ANXA6: variants seen among roughly 807,000 people sequenced by gnomAD.
The protein encoded by ANXA6 is 67 kDa calelectrin.
ANXA6 carries 71 observed loss-of-function variants against 95.4 expected under a neutral mutation model. The observed-to-expected ratio is 0.74, with a 90% confidence interval of 0.61 to 0.91. ANXA6 has a LOEUF of 0.91. Among genes scored for constraint, ANXA6 ranks in the 40% least tolerant of loss-of-function variants. The probability of loss-of-function intolerance (pLI) is 0.00; values close to 1 mark genes in which losing one functional copy is unlikely to be tolerated. For missense variants in ANXA6, 830 were observed against 876.4 expected, an observed-to-expected ratio of 0.95 and a Z score of 0.67; for synonymous variants, 289 against 315.9, an observed-to-expected ratio of 0.91 and a Z score of 0.90.
chr5:151,133,053 T>C (rs779606035), intron 9 of ANXA6, 41 bp downstream of exon 9: 1 of 1,429,202 alleles, frequency 7.0e-7, no homozygotes, highest in Non-Finnish European at 9.7e-7. Flanking sequence ...ATTATTGGCA[T>C]CAACCCAAGG....
intron 2 of ANXA6, chr5:151,141,488 G>T (rs1201602725): frequency 1.0e-6 from 1 of 984,360 alleles, no homozygotes; most frequent in African/African-American, 1.7e-5. Context: ...AATCAGGAAA[G>T]AATCCAAAAA....
chr5:151,137,318 T>C lies in ANXA6; in HGVS notation c.322A>G (p.Ile108Val), dbSNP rs1765694238. The change falls in exon 6 of 26, where the codon ATT (isoleucine) becomes GTT (valine). Residue 108 changes from isoleucine to valine, a missense_variant. Ile to Val is a conservative substitution (Grantham distance 29, BLOSUM62 3). Transcript: ENST00000354546. ...ATGAGGCACTTCTCATCAGTGCCAA[T>C]GCCCTGGGGGTAGAAAAAGAGCGCA... is the stretch of plus-strand genomic sequence containing the variant. ...AKEIKDAISG[I>V]GTDEKCLIEI... 1 of 1,612,062 alleles carries C rather than the reference T, an allele frequency of 6.2e-7. No homozygotes were observed. Among genetic ancestry groups the C allele is most frequent in the Non-Finnish European group, 8.5e-7 (1 of 1,179,040 alleles).
chr5:151,153,195 C>A (rs1186790870), intron 1 of ANXA6, among the ~76,000 whole-genome samples: 1 of 152,174 alleles, frequency 6.6e-6, no homozygotes, highest in African/African-American at 2.4e-5. Flanking sequence ...AAACCAGGAA[C>A]GCCTTCCACC....
At chr5:151,113,416 T>C (rs184049373) in intron 20 of ANXA6, among the ~76,000 whole-genome samples, 5 of 152,196 alleles carry the variant, frequency 3.3e-5, no homozygotes, top group Non-Finnish European at 5.9e-5. Context: ...TAAATAAATA[T>C]ATAAAATGAT....
intron 25 of ANXA6, among the ~76,000 whole-genome samples, chr5:151,103,229 T>C (rs1290496759): frequency 2.0e-5 from 3 of 152,204 alleles, no homozygotes; most frequent in African/African-American, 7.2e-5. Context: ...ACTCCTGACC[T>C]CAAGTGATCC....
intron 15 of ANXA6, among the ~76,000 whole-genome samples, chr5:151,123,883 G>T (rs1426673683): frequency 6.7e-6 from 1 of 149,704 alleles, no homozygotes; most frequent in Non-Finnish European, 1.5e-5. Context: ...ATGAGGGAGG[G>T]CTCTTGGGTT....
chr5:151,114,054 G>A (rs763002568), intron 20 of ANXA6, among the ~76,000 whole-genome samples: 4 of 152,232 alleles, frequency 2.6e-5, no homozygotes, highest in Admixed American at 6.5e-5. Context: ...TAATATCACT[G>A]TATTGACATG....
intron 25 of ANXA6, among the ~76,000 whole-genome samples, chr5:151,101,737 T>G (rs1227967329): frequency 6.6e-6 from 1 of 152,186 alleles, no homozygotes; most frequent in Non-Finnish European, 1.5e-5. Flanking sequence ...TTCAAGGCCC[T>G]TTGGGATCTG....
At chr5:151,102,658 G>C (rs1764581101) in intron 25 of ANXA6, among the ~76,000 whole-genome samples, 1 of 152,046 alleles carries the variant, frequency 6.6e-6, no homozygotes, top group Non-Finnish European at 1.5e-5. Context: ...GAGATGAGAT[G>C]GCACTGCTGC....
chr5:151,140,295 C>T, intron 2 of ANXA6, 52 bp from the exon 3 acceptor site: 2 of 1,514,228 alleles, frequency 1.3e-6, no homozygotes, highest in Non-Finnish European at 1.8e-6. Context: ...TGAGACCAAG[C>T]TCCCAGCCCC....
chr5:151,112,131 T>A lies in ANXA6; in HGVS notation c.1573-1487A>T, dbSNP rs561354944. ...AGAAAAACTGTAAACCATCCTGAGA[T>A]TGACTTGTTAAACAGGCTATGACTT... On this transcript the variant is annotated intron_variant, in intron 20 of 25. Transcript: ENST00000354546. 2.6e-5 allele frequency among the ~76,000 whole-genome samples: 4 copies of A among 152,232 alleles called. No homozygotes were observed. The South Asian group carries it at 8.3e-4, about 32-fold the overall frequency.
intron 17 of ANXA6, among the ~76,000 whole-genome samples, chr5:151,120,704 G>A (rs980372937): frequency 6.6e-6 from 1 of 152,140 alleles, no homozygotes; most frequent in Non-Finnish European, 1.5e-5. Flanking sequence ...GGGCGAAAGA[G>A]CGAGACTCCG....
chr5:151,118,900 C>T (rs995178606), intron 18 of ANXA6, among the ~76,000 whole-genome samples: 3 of 152,142 alleles, frequency 2.0e-5, no homozygotes. Flanking sequence ...ACTCAAGATT[C>T]TTCAGAATGA....
chr5:151,132,962 C>A, intron 9 of ANXA6, 132 bp downstream of exon 9: 1 of 723,364 alleles, frequency 1.4e-6, no homozygotes, highest in Non-Finnish European at 2.3e-6. Context: ...CTAATAAACT[C>A]AGGACTAAAG....
intron 2 of ANXA6, chr5:151,141,573 G>T (rs574542646): frequency 1.0e-6 from 1 of 985,342 alleles, no homozygotes; most frequent in African/African-American, 1.7e-5. Context: ...GTCCTGGACC[G>T]CCTCCCCCTC....
intron 11 of ANXA6, 60 bp downstream of exon 11, chr5:151,131,171 T>G: frequency 6.4e-7 from 1 of 1,568,706 alleles, no homozygotes; most frequent in Non-Finnish European, 8.8e-7. Flanking sequence ...CCCAAGGACT[T>G]GTCAAAGACT....
chr5:151,104,085 A>C (rs1351535150), intron 24 of ANXA6, among the ~76,000 whole-genome samples: 1 of 152,210 alleles, frequency 6.6e-6, no homozygotes, highest in Non-Finnish European at 1.5e-5. Context: ...CTAGGTGAGG[A>C]CAGAGGCAGA....
chr5:151,155,376 G>A (rs1766209260), intron 1 of ANXA6: 1 of 152,098 alleles, frequency 6.6e-6, no homozygotes, highest in Non-Finnish European at 1.5e-5. Context: ...CCATCTTACA[G>A]CCTCATGAAG....
chr5:151,115,541 G>A (rs1561569002), intron 20 of ANXA6, among the ~76,000 whole-genome samples: 1 of 152,174 alleles, frequency 6.6e-6, no homozygotes, highest in Non-Finnish European at 1.5e-5. Flanking sequence ...CAGGCACCAG[G>A]CAGAAGCATT....
Sources: gnomAD v4.1 joint callset for allele counts (sites outside exome capture counted in the v4.1 genomes callset) on GRCh38, gnomAD v4.1.1 for gene constraint, MANE v1.5 for transcripts, NCBI Gene and HGNC (gene_info 2026-07-23, HGNC 2026-07-21) for gene names.